The following XIRP2 variants were observed in gnomAD, a reference collection of about 807,000 sequenced individuals.
XIRP2 encodes the protein xin actin binding repeat containing 2.
In XIRP2, 236 loss-of-function variants were observed where a neutral mutation model predicts 277.0. The observed-to-expected ratio is 0.85, with a 90% CI of 0.77 to 0.95. XIRP2 has a LOEUF of 0.95. Ranked by LOEUF, XIRP2 falls within the 40% of genes least tolerant of loss-of-function variation. The pLI is 0.00. For synonymous variants in XIRP2, 1,490 were observed against 1,416.5 expected, an observed-to-expected ratio of 1.05 and a Z score of -1.17; for missense variants, 4,640 against 4,157.5, an observed-to-expected ratio of 1.12 and a Z score of -3.19.
At chr2:167,206,656 G>C (rs1693862668) in intron 3 of XIRP2, among the ~76,000 whole-genome samples, 1 of 152,022 alleles carries the variant, frequency 6.6e-6, no homozygotes, top group Non-Finnish European at 1.5e-5. Context: ...GTCCACAATG[G>C]GAAGGGAGAA....
intron 2 of XIRP2, among the ~76,000 whole-genome samples, chr2:166,913,462 CA>C (rs1395177498): frequency 4.6e-5 from 7 of 152,090 alleles, no homozygotes; most frequent in African/African-American, 1.7e-4. Context: ...ATGCAGAAAT[CA>C]CCCATCTTCT....
At chr2:167,257,504 ATG>A (rs1695692330) in intron 10 of XIRP2, among the ~76,000 whole-genome samples, 3 of 151,986 alleles carry the variant, frequency 2.0e-5, no homozygotes, top group African/African-American at 7.2e-5. Context: ...GTTGATTTGT[ATG>A]TGTTTGCTAC....
intron 3 of XIRP2, among the ~76,000 whole-genome samples, chr2:167,205,367 T>C (rs1693825866): frequency 6.6e-6 from 1 of 152,172 alleles, no homozygotes; most frequent in Non-Finnish European, 1.5e-5. Flanking sequence ...ATTAATTATA[T>C]AAGTAATTAT....
chr2:166,963,799 CT>C (rs1686359102), intron 2 of XIRP2, among the ~76,000 whole-genome samples: 1 of 151,754 alleles, frequency 6.6e-6, no homozygotes, highest in African/African-American at 2.4e-5. Flanking sequence ...TTGAAATTTA[CT>C]GTAAGAATTT....
intron 2 of XIRP2, among the ~76,000 whole-genome samples, chr2:167,051,170 A>C (rs553470009): frequency 5.9e-5 from 9 of 152,066 alleles, no homozygotes; most frequent in Non-Finnish European, 1.2e-4. Context: ...CTACTGTGAG[A>C]ATTTCACGAA....
intron 2 of XIRP2, among the ~76,000 whole-genome samples, chr2:167,009,724 C>T (rs1375576975): frequency 1.3e-5 from 2 of 152,046 alleles, no homozygotes; most frequent in Admixed American, 6.6e-5. Flanking sequence ...TCTCCAGCAC[C>T]TGTTGTTTCC....
chr2:167,138,152 C>T (rs1034957806), intron 3 of XIRP2, among the ~76,000 whole-genome samples: 2 of 152,140 alleles, frequency 1.3e-5, no homozygotes, highest in African/African-American at 4.8e-5. Flanking sequence ...CAGCCTTATA[C>T]ATTAAACATC....
intron 2 of XIRP2, among the ~76,000 whole-genome samples, chr2:166,986,735 T>G (rs980935254): frequency 1.3e-5 from 2 of 152,236 alleles, no homozygotes; most frequent in African/African-American, 4.8e-5. Flanking sequence ...GGGATCTTTG[T>G]ATTGAATTAA....
rs1685778938 is a variant in XIRP2, at chr2:166,943,608, G to A, written c.408+39718G>A. Among the ~76,000 whole-genome samples the A allele has an allele frequency of 2.0e-5, 3 of 152,360 alleles. No homozygotes were observed. In the South Asian group the frequency reaches 6.2e-4, roughly 32 times the overall value. ...CCACTCCACCTCTGCAGAGGGGCATGGGACTGAAGTCAGGGCAAAAAGAGC... is the reference window on the plus strand; with the variant it reads ...CCACTCCACCTCTGCAGAGGGGCATAGGACTGAAGTCAGGGCAAAAAGAGC... On this transcript the variant is annotated intron_variant, in intron 2 of 10. Transcript: ENST00000409195.
intron 2 of XIRP2, among the ~76,000 whole-genome samples, chr2:167,115,686 G>A: frequency 6.6e-6 from 1 of 151,990 alleles, no homozygotes; most frequent in Non-Finnish European, 1.5e-5. Context: ...CTGACCATGG[G>A]GTTTCCTCAG....
chr2:167,046,648 T>A (rs1044229936), intron 2 of XIRP2, among the ~76,000 whole-genome samples: 2 of 152,024 alleles, frequency 1.3e-5, no homozygotes, highest in Non-Finnish European at 2.9e-5. Flanking sequence ...CTTAAGGCCA[T>A]TTTCCTAAAT....
intron 3 of XIRP2, among the ~76,000 whole-genome samples, chr2:167,140,111 C>T (rs953628436): frequency 1.3e-5 from 2 of 152,226 alleles, no homozygotes; most frequent in East Asian, 1.9e-4. Flanking sequence ...AACTTGTCTT[C>T]GAGAACTAGG....
intron 2 of XIRP2, among the ~76,000 whole-genome samples, chr2:167,029,699 A>G (rs1001686523): frequency 2.0e-5 from 3 of 152,140 alleles, no homozygotes; most frequent in Admixed American, 1.3e-4. Context: ...AGGTTTTGGT[A>G]TCAGGATGAT....
chr2:166,917,950 C>G (rs746149547), intron 2 of XIRP2, among the ~76,000 whole-genome samples: 13 of 152,100 alleles, frequency 8.5e-5, no homozygotes, highest in Non-Finnish European at 1.9e-4. Flanking sequence ...CTATCAGGTT[C>G]TTTTCAAAAA....
intron 8 of XIRP2, 61 bp from the exon 9 acceptor site, chr2:167,242,508 G>A (rs1241600185): frequency 6.5e-7 from 1 of 1,531,102 alleles, no homozygotes; most frequent in Non-Finnish European, 8.8e-7. Flanking sequence ...GAAGGGCAGT[G>A]CCTAGGAAGC....
chr2:167,011,997 A>G (rs890667873), intron 2 of XIRP2, among the ~76,000 whole-genome samples: 1 of 151,660 alleles, frequency 6.6e-6, no homozygotes, highest in Non-Finnish European at 1.5e-5. Context: ...CGGTCTATCA[A>G]TTTTGTTGAT....
In XIRP2 at chr2:167,246,241, G is replaced by T; in HGVS notation, c.4849G>T (p.Asp1617Tyr). 1 of 1,613,400 alleles carries T rather than the reference G, an allele frequency of 6.2e-7. No individual in the cohort carries two copies. Among genetic ancestry groups the T allele is most frequent in the South Asian group, 1.1e-5 (1 of 90,994 alleles). ...AATGGTGAACCTACTTTCCAAAAGG[G>T]ACTGTACTGAAAGAGAGATTTTGAT... Reference protein sequence around the residue: ...NIMVNLLSKRDCTEREILISE... With the variant: ...NIMVNLLSKRYCTEREILISE... Residue 1617 changes from aspartate (D) to tyrosine (Y), a missense_variant, in exon 9 of 11, where the codon GAC (aspartate) becomes TAC (tyrosine). Asp to Tyr is a radical substitution (Grantham distance 160). Transcript: ENST00000409195.
chr2:167,232,698 A>G (rs148228494), intron 5 of XIRP2, among the ~76,000 whole-genome samples: 12 of 152,054 alleles, frequency 7.9e-5, no homozygotes, highest in African/African-American at 2.6e-4. Flanking sequence ...TTAAAAATAT[A>G]CTAACTTATT....
intron 2 of XIRP2, among the ~76,000 whole-genome samples, chr2:167,042,581 T>C (rs1366547609): frequency 2.0e-5 from 3 of 152,068 alleles, no homozygotes; most frequent in Non-Finnish European, 4.4e-5. Context: ...AAAACAGACT[T>C]TAAACCAACA....
Sources: gnomAD v4.1 joint callset for allele counts (sites outside exome capture counted in the v4.1 genomes callset) on GRCh38, gnomAD v4.1.1 for gene constraint, MANE v1.5 for transcripts, NCBI Gene and HGNC (gene_info 2026-07-23, HGNC 2026-07-21) for gene names.